Variants in UGT1A8 observed in about 807,000 individuals in gnomAD.
UGT1A8 encodes UDP-glucuronosyltransferase 1A8.
In UGT1A8, 39 loss-of-function variants were observed where a neutral mutation model predicts 45.3. The observed-to-expected ratio is 0.86, with a 90% CI of 0.67 to 1.12. The LOEUF is 1.12. UGT1A8 is among the 50% of genes most tolerant of loss of function. The pLI is 0.00. For synonymous variants in UGT1A8, 275 were observed against 249.2 expected (o/e 1.10, Z -0.97); for missense variants, 719 against 664.9 (o/e 1.08, Z -0.90).
chr2:233,696,492 G>A (rs181370414), intron 1 of UGT1A8, among the ~76,000 whole-genome samples: 10 of 152,182 alleles, frequency 6.6e-5, no homozygotes, highest in Admixed American at 1.3e-4. Context: ...CAACTTTACC[G>A]AATTTGCTTG....
At chr2:233,631,456 CA>C (rs1483284293) in intron 1 of UGT1A8, among the ~76,000 whole-genome samples, 2 of 152,204 alleles carry the variant, frequency 1.3e-5, no homozygotes, top group Non-Finnish European at 2.9e-5. Context: ...CTCCCACCAA[CA>C]GCATAAAAGC....
chr2:233,712,871 CTG>C, intron 1 of UGT1A8: 2 of 1,585,160 alleles, frequency 1.3e-6, no homozygotes, highest in Non-Finnish European at 1.7e-6. Context: ...GGAGGGCACT[CTG>C]TCTTCAATTA....
chr2:233,772,138 AG>A lies in UGT1A8; in HGVS notation c.1296-123del, dbSNP rs1367045628. 6 of 1,548,126 alleles carry A rather than the reference AG, an allele frequency of 3.9e-6. No homozygotes were observed. In the African/African-American group the frequency reaches 8.2e-5, roughly 21 times the overall value. ...TAAAAACAACAACAACAACAATAATAGAAACAGGTTTCCTTTCCCAAGTTTG... is the reference window on the plus strand; with the variant it reads ...TAAAAACAACAACAACAACAATAATAAAACAGGTTTCCTTTCCCAAGTTTG... On this transcript the variant is annotated intron_variant, in intron 4 of 4. Coordinates refer to ENST00000373450, the MANE Select transcript of UGT1A8 (RefSeq NM_019076.5).
At chr2:233,715,655 C>T (rs2076462877) in intron 1 of UGT1A8, among the ~76,000 whole-genome samples, 1 of 152,008 alleles carries the variant, frequency 6.6e-6, no homozygotes, top group Non-Finnish European at 1.5e-5. Context: ...ACCTGTGGTC[C>T]CAGCTACTCG....
chr2:233,668,231 G>A lies in UGT1A8; in HGVS notation c.855+49669G>A, dbSNP rs202206085. On this transcript the variant is annotated intron_variant, in intron 1 of 4. Coordinates refer to ENST00000373450, the MANE Select transcript of UGT1A8 (RefSeq NM_019076.5). ...TACCCCCACCTCTCGACAGGCCCCG[G>A]TGTGCGATATTCCCCGCCCTGTGTC... 1.7e-4 allele frequency among the ~76,000 whole-genome samples: 26 copies of A among 152,172 alleles called. No homozygotes were observed. In the East Asian group the frequency reaches 4.5e-3, roughly 26 times the overall value.
Position 233,707,728 on chromosome 2 carries a change from AC to A in UGT1A8, c.856-59305del, listed in dbSNP as rs1181279072. ...TTTCACTACTGTGAACAATGTTACA[AC>A]GAACATTCTTTTACATTCTGAAACA... is the stretch of plus-strand genomic sequence containing the variant. On this transcript the variant is annotated intron_variant, in intron 1 of 4. Transcript: ENST00000373450. 6.6e-5 allele frequency among the ~76,000 whole-genome samples: 10 copies of A among 152,254 alleles called. No individual in the cohort carries two copies. In the East Asian group the frequency reaches 9.6e-4, roughly 15 times the overall value.
chr2:233,756,940 T>G (rs1408779384), intron 1 of UGT1A8, among the ~76,000 whole-genome samples: 1 of 152,052 alleles, frequency 6.6e-6, no homozygotes, highest in Non-Finnish European at 1.5e-5. Context: ...TTACATAACC[T>G]GAAACCCGGA....
At chr2:233,726,556 C>T (rs1390760024) in intron 1 of UGT1A8, among the ~76,000 whole-genome samples, 1 of 152,180 alleles carries the variant, frequency 6.6e-6, no homozygotes, top group Non-Finnish European at 1.5e-5. Flanking sequence ...CTTCAAGTCT[C>T]CCACTCTTAC....
intron 1 of UGT1A8, chr2:233,692,742 A>T: frequency 9.6e-7 from 1 of 1,038,220 alleles, no homozygotes. Flanking sequence ...AGAGAGGGAG[A>T]AGCAGACTTG....
intron 1 of UGT1A8, among the ~76,000 whole-genome samples, chr2:233,704,256 C>CTTT (rs59925871): frequency 0.31 from 38,668 of 122,898 alleles, 6,586 homozygotes; most frequent in African/African-American, 0.43. Flanking sequence ...GCCTTTATTG[C>CTTT]TTTTTTTTTT....
chr2:233,700,162 G>A (rs2075547440), intron 1 of UGT1A8, among the ~76,000 whole-genome samples: 1 of 152,192 alleles, frequency 6.6e-6, no homozygotes, highest in Non-Finnish European at 1.5e-5. Flanking sequence ...GTCTTTACAA[G>A]GAATGCTCAT....
chr2:233,753,217 G>T (rs1387240791), intron 1 of UGT1A8: 10 of 152,116 alleles, frequency 6.6e-5, no homozygotes, highest in Admixed American at 6.5e-4. Flanking sequence ...GTCTTATTTT[G>T]ATACTTCTTG....
At chr2:233,659,504 T>G (rs1023928736) in intron 1 of UGT1A8, among the ~76,000 whole-genome samples, 5 of 152,168 alleles carry the variant, frequency 3.3e-5, no homozygotes, top group African/African-American at 1.2e-4. Context: ...AAGTATTCAT[T>G]AAGTGGGAGT....
In UGT1A8 at chr2:233,760,534, T is replaced by C. The variant is rs56059937; in HGVS notation, c.856-6500T>C. On this transcript the variant is annotated intron_variant, in intron 1 of 4. Coordinates refer to ENST00000373450, the MANE Select transcript of UGT1A8 (RefSeq NM_019076.5). ...CACCTTGAAGACGTACCCTGTGCCA[T>C]TCCAAAGGGAGGATGTGAAAGAGTC... is the stretch of plus-strand genomic sequence containing the variant. 3.7e-6 allele frequency: 6 copies of C among 1,614,240 alleles called. No individual in the cohort carries two copies. Among genetic ancestry groups the C allele is most frequent in the South Asian group, 3.3e-5 (3 of 91,088 alleles).
At chr2:233,750,325 T>C (rs1342214391) in intron 1 of UGT1A8, among the ~76,000 whole-genome samples, 1 of 151,898 alleles carries the variant, frequency 6.6e-6, no homozygotes, top group Non-Finnish European at 1.5e-5. Context: ...AACTTTGAAC[T>C]TCAGAGAGAT....
intron 1 of UGT1A8, among the ~76,000 whole-genome samples, chr2:233,652,112 A>G (rs770078119): frequency 3.2e-4 from 49 of 152,208 alleles, no homozygotes; most frequent in Non-Finnish European, 6.2e-4. Flanking sequence ...GGGTGAGTGT[A>G]GCTCTGGAGA....
At chr2:233,686,688 G>T (rs2074799720) in intron 1 of UGT1A8, among the ~76,000 whole-genome samples, 1 of 152,022 alleles carries the variant, frequency 6.6e-6, no homozygotes, top group Non-Finnish European at 1.5e-5. Flanking sequence ...TATTCTGGTG[G>T]TGCCCTCTGG....
intron 1 of UGT1A8, chr2:233,719,366 T>C (rs755765177): frequency 3.1e-6 from 5 of 1,613,968 alleles, no homozygotes; most frequent in South Asian, 1.1e-5. Flanking sequence ...ACTTAGACTT[T>C]AAGGGCACAC....
At chr2:233,694,135 G>A (rs2075201567) in intron 1 of UGT1A8, among the ~76,000 whole-genome samples, 1 of 152,152 alleles carries the variant, frequency 6.6e-6, no homozygotes, top group African/African-American at 2.4e-5. Context: ...CTCATTGAAT[G>A]AGCCTTAGAA....
Sources: gnomAD v4.1 joint callset for allele counts (sites outside exome capture counted in the v4.1 genomes callset) on GRCh38, gnomAD v4.1.1 for gene constraint, MANE v1.5 for transcripts, NCBI Gene and HGNC (gene_info 2026-07-23, HGNC 2026-07-21) for gene names.